The following RIMS3 variants were observed in gnomAD, a reference collection of about 807,000 sequenced individuals.
RIMS3 encodes the protein regulating synaptic membrane exocytosis protein 3.
In RIMS3, 15 loss-of-function variants were observed where a neutral mutation model predicts 29.2. That is an observed-to-expected ratio of 0.51 (90% CI 0.34 to 0.79). RIMS3 has a LOEUF of 0.79. Among genes scored for constraint, RIMS3 ranks in the 30% least tolerant of loss-of-function variants. The probability of loss-of-function intolerance (pLI) is 0.01; values close to 1 mark genes in which losing one functional copy is unlikely to be tolerated. For synonymous variants in RIMS3, 161 were observed against 170.1 expected (o/e 0.95, Z 0.41); for missense variants, 342 against 421.4 (o/e 0.81, Z 1.65).
chr1:40,651,963 TATTG>T (rs1646634357), intron 1 of RIMS3, among the ~76,000 whole-genome samples: 1 of 152,226 alleles, frequency 6.6e-6, no homozygotes. Context: ...ACTGCTTTTT[TATTG>T]ATTAATTGAT....
intron 5 of RIMS3, among the ~76,000 whole-genome samples, chr1:40,632,661 T>C (rs894036373): frequency 6.6e-5 from 10 of 151,966 alleles, no homozygotes; most frequent in African/African-American, 2.4e-4. Context: ...CCAAGGTTGG[T>C]TGAATCCACA....
intron 2 of RIMS3, among the ~76,000 whole-genome samples, chr1:40,642,366 C>A (rs1265233893): frequency 2.0e-5 from 3 of 152,188 alleles, no homozygotes; most frequent in African/African-American, 7.2e-5. Flanking sequence ...AAATAATGCA[C>A]AGGAAGTGCC....
At chr1:40,662,133 G>A (rs1642361395) in intron 1 of RIMS3, among the ~76,000 whole-genome samples, 2 of 152,144 alleles carry the variant, frequency 1.3e-5, no homozygotes, top group South Asian at 4.1e-4. Flanking sequence ...ACCCTTTAGG[G>A]GTTGCCATTG....
the RIMS3 span, chr1:40,690,588 G>A: frequency 6.6e-6 from 1 of 152,186 alleles, no homozygotes; most frequent in African/African-American, 2.4e-5. Flanking sequence ...TTATAGTTAG[G>A]TTTTGTTCAT....
intron 1 of RIMS3, among the ~76,000 whole-genome samples, chr1:40,650,089 G>C (rs1646621120): frequency 6.6e-6 from 1 of 152,172 alleles, no homozygotes; most frequent in Non-Finnish European, 1.5e-5. Context: ...GCAGGGGATG[G>C]GGTGGTCGGA....
At chr1:40,656,261 A>G (rs924413638) in intron 1 of RIMS3, among the ~76,000 whole-genome samples, 2 of 152,198 alleles carry the variant, frequency 1.3e-5, no homozygotes, top group African/African-American at 4.8e-5. Flanking sequence ...ATAAAAATAA[A>G]TTGACACTTT....
chr1:40,682,741 C>CTTTTTTTTTTTTTTTGTTTTTTTT, the RIMS3 span, among the ~76,000 whole-genome samples: 1 of 77,514 alleles, frequency 1.3e-5, no homozygotes, highest in Non-Finnish European at 2.5e-5. Context: ...CTTTGCAGAT[C>CTTTTTTTTTTTTTTTGTTTTTTTT]TTTTTTTTTT....
chr1:40,623,328 GCCTTTTTCATA>G lies in RIMS3; in HGVS notation c.*3178_*3188del, dbSNP rs910771563. On this transcript the variant is annotated 3_prime_UTR_variant, in exon 8 of 8. Transcript: ENST00000372684. ...CCAAGACTTGGCTCCATTTACTGGA[GCCTTTTTCATA>G]CCAAAAACCCATTGCAGGGAAAAGG... is the stretch of plus-strand genomic sequence containing the variant. 1.0e-5 allele frequency: 4 copies of G among 398,394 alleles called. No homozygotes were observed. Among genetic ancestry groups the G allele is most frequent in the African/African-American group, 8.2e-5 (4 of 48,616 alleles). 24.7% of individuals were successfully genotyped at this position (398,394 alleles called of 1,614,324 possible).
At chr1:40,659,486 T>G (rs995856203) in intron 1 of RIMS3, among the ~76,000 whole-genome samples, 1 of 151,724 alleles carries the variant, frequency 6.6e-6, no homozygotes, top group Non-Finnish European at 1.5e-5. Context: ...CAAGGACCAG[T>G]TAGGAGGCTG....
chr1:40,675,414 G>A, the RIMS3 span, among the ~76,000 whole-genome samples: 1 of 152,062 alleles, frequency 6.6e-6, no homozygotes, highest in African/African-American at 2.4e-5. Flanking sequence ...TTGAGTCCAG[G>A]AATTCATGAC....
Position 40,626,693 on chromosome 1 carries a change from T to C in RIMS3, c.751A>G (p.Lys251Glu). 1.2e-6 allele frequency: 2 copies of C among 1,614,120 alleles called. No individual in the cohort carries two copies. Among genetic ancestry groups the C allele is most frequent in the Non-Finnish European group, 1.7e-6 (2 of 1,180,012 alleles). ...VWGDYGRMDH[K>E]CFMGMAQIML... is the part of the protein sequence containing the mutation. ...ATCTGGGCCATGCCCATGAAGCACT[T>C]GTGGTCCATGCGGCCATAGTCTCCC... Residue 251 changes from lysine to glutamate, a missense_variant, in exon 8 of 8, where the codon AAG becomes GAG. Physicochemically the swap from Lys to Glu is moderately conservative, Grantham distance 56 (BLOSUM62 1). Transcript: ENST00000372684.
At chr1:40,663,308 A>T (rs546356568) in intron 1 of RIMS3, among the ~76,000 whole-genome samples, 1 of 152,220 alleles carries the variant, frequency 6.6e-6, no homozygotes, top group South Asian at 2.1e-4. Context: ...GGCCCATGAC[A>T]TTGACTGGGG....
rs144871337 is a variant in RIMS3 at position 40,662,276 on chromosome 1, A to G, written c.-207+3118T>C. Among the ~76,000 whole-genome samples the G allele has an allele frequency of 6.6e-5, 10 of 152,248 alleles. No homozygotes were observed. In the East Asian group the frequency reaches 1.9e-3, roughly 29 times the overall value. ...TCTCACCATCAACAGGGCCTCAGAC[A>G]CACAGTTCCCCTTCCTCATCCCTTC... On this transcript the variant is annotated intron_variant, in intron 1 of 7. Transcript: ENST00000372684.
intron 7 of RIMS3, 48 bp downstream of exon 7, chr1:40,628,762 C>T (rs1646470068): frequency 6.2e-7 from 1 of 1,613,386 alleles, no homozygotes; most frequent in South Asian, 1.1e-5. Flanking sequence ...TAAATTACAA[C>T]TTCCAGTCTG....
rs544506967 is a variant in RIMS3, at chr1:40,648,132, G to A, written c.-206-290C>T. On this transcript the variant is annotated intron_variant, in intron 1 of 7. Transcript: ENST00000372684. Reference sequence around the variant, plus strand: ...CAGGACCAACTGCTAAGGAGCTCTAGACCCTATCCTTCCTTCCTCCAACCT... The same window carrying A: ...CAGGACCAACTGCTAAGGAGCTCTAAACCCTATCCTTCCTTCCTCCAACCT... 2.6e-5 allele frequency among the ~76,000 whole-genome samples: 4 copies of A among 152,206 alleles called. No homozygotes were observed. In the South Asian group the frequency reaches 8.3e-4, roughly 32 times the overall value.
rs139304497 is a variant in RIMS3 at position 40,636,021 on chromosome 1, C to T, written c.254G>A (p.Arg85Gln). 2.5e-6 allele frequency: 4 copies of T among 1,607,130 alleles called. No individual in the cohort carries two copies. Among genetic ancestry groups the T allele is most frequent in the Non-Finnish European group, 3.4e-6 (4 of 1,179,982 alleles). ...ATKKLRSNIR[R>Q]STETGIAVEM... ...CACCGCGATGCCTGTCTCCGTGCTC[C>T]GGCGGATGTTGCTGCGCAGCTTCTT... The change falls in exon 4 of 8, where the codon CGG becomes CAG. Residue 85 changes from arginine to glutamine, a missense_variant. Physicochemically the swap from Arg to Gln is conservative, Grantham distance 43. Coordinates refer to ENST00000372684, the MANE Select transcript of RIMS3 (RefSeq NM_014747.3). The surrounding 1 kb of genome is among the most constrained non-coding windows in gnomAD (Gnocchi z 4.2).
chr1:40,682,144 A>G, the RIMS3 span, among the ~76,000 whole-genome samples: 1 of 152,102 alleles, frequency 6.6e-6, no homozygotes, highest in African/African-American at 2.4e-5. Context: ...TCCCTCTAAT[A>G]ACTTAATGAA....
intron 2 of RIMS3, among the ~76,000 whole-genome samples, chr1:40,643,573 T>C (rs1438206275): frequency 6.7e-6 from 1 of 149,264 alleles, no homozygotes; most frequent in Non-Finnish European, 1.5e-5. Context: ...GCCACTCAGG[T>C]TCAAGCGAAT....
rs1402220252 is a variant in RIMS3 at position 40,636,359 on chromosome 1, C to T, written c.218-302G>A. On this transcript the variant is annotated intron_variant, in intron 3 of 7. Coordinates refer to ENST00000372684, the MANE Select transcript of RIMS3 (RefSeq NM_014747.3). The surrounding 1 kb of genome is among the most constrained non-coding windows in gnomAD (Gnocchi z 4.2). ...CCGCAGCTGGGGCCCTCGCCTCACC[C>T]TCATCAGGCTCCCCTGACGCCCACC... Among the ~76,000 whole-genome samples the T allele has an allele frequency of 6.6e-6, 1 of 152,202 alleles. No homozygotes were observed. The highest frequency in any genetic ancestry group is 6.5e-5 in the Admixed American group (1 of 15,290).
Sources: gnomAD v4.1 joint callset for allele counts (sites outside exome capture counted in the v4.1 genomes callset) on GRCh38, gnomAD v4.1.1 for gene constraint, Gnocchi (gnomAD v3.1) non-coding constraint, MANE v1.5 for transcripts, NCBI Gene and HGNC (gene_info 2026-07-23, HGNC 2026-07-21) for gene names.